Variants in CNIH3 observed in about 807,000 individuals in gnomAD.
CNIH3 encodes the protein cornichon family AMPA receptor auxiliary protein 3.
Under a neutral mutation model 24.1 loss-of-function variants are expected in CNIH3, and 14 were observed. The ratio of observed to expected loss-of-function variants is 0.58; its 90% CI spans 0.38 to 0.91. The LOEUF (loss-of-function observed/expected upper bound fraction) is 0.91. Among genes scored for constraint, CNIH3 ranks in the 40% least tolerant of loss-of-function variants. The pLI is 0.00. For synonymous variants in CNIH3, 68 were observed against 73.8 expected (o/e 0.92, Z 0.40); for missense variants, 178 against 196.8 (o/e 0.90, Z 0.57).
chr1:224,515,515 C>G (rs1280104397), upstream of CNIH3, among the ~76,000 whole-genome samples: 1 of 152,216 alleles, frequency 6.6e-6, no homozygotes, highest in Non-Finnish European at 1.5e-5. Context: ...AATTTGAAAA[C>G]TTTTTGGCTG....
intron 1 of CNIH3, among the ~76,000 whole-genome samples, chr1:224,628,716 C>T (rs1683666609): frequency 6.6e-6 from 1 of 151,996 alleles, no homozygotes; most frequent in Admixed American, 6.6e-5. Context: ...GGCCAGGGCA[C>T]TCGAAAGTTA....
chr1:224,607,829 C>T (rs992496853), intron 3 of CNIH3, among the ~76,000 whole-genome samples: 2 of 152,154 alleles, frequency 1.3e-5, no homozygotes, highest in African/African-American at 4.8e-5. Flanking sequence ...CAGTTCCCAG[C>T]TTGCCCTTCA....
chr1:224,735,323 A>C (rs1215129540), intron 5 of CNIH3, among the ~76,000 whole-genome samples: 1 of 152,224 alleles, frequency 6.6e-6, no homozygotes, highest in Non-Finnish European at 1.5e-5. Context: ...CGCTCAGAAC[A>C]TCCTAACTAA....
chr1:224,731,100 G>A (rs1465647885), intron 4 of CNIH3, among the ~76,000 whole-genome samples: 1 of 152,136 alleles, frequency 6.6e-6, no homozygotes, highest in African/African-American at 2.4e-5. Context: ...GGCTGGGAGG[G>A]AATGAGAATA....
chr1:224,623,099 A>G (rs887623828), intron 1 of CNIH3, among the ~76,000 whole-genome samples: 1 of 151,976 alleles, frequency 6.6e-6, no homozygotes, highest in Admixed American at 6.6e-5. Context: ...TCTAGTGACC[A>G]CTTCCATCTT....
At chr1:224,617,565 C>T (rs962413368) in intron 1 of CNIH3, among the ~76,000 whole-genome samples, 7 of 152,250 alleles carry the variant, frequency 4.6e-5, no homozygotes, top group Admixed American at 1.3e-4. Context: ...CCCGCCCCGT[C>T]CTCTCCTGCC....
intron 1 of CNIH3, among the ~76,000 whole-genome samples, chr1:224,624,548 C>T (rs1683427158): frequency 6.6e-6 from 1 of 152,140 alleles, no homozygotes; most frequent in Admixed American, 6.6e-5. Flanking sequence ...TCTGTAGTCA[C>T]CAGCCATGTC....
Position 224,739,319 on chromosome 1 carries a change from T to TTTTTTTC in CNIH3, c.456-9_456-8insTTTTTCT. The TTTTTTTC allele has an allele frequency of 7.0e-7, 1 of 1,427,338 alleles. No individual in the cohort carries two copies. The highest frequency in any genetic ancestry group is 2.6e-5 in the East Asian group (1 of 39,154). 88.4% of individuals were successfully genotyped at this position (1,427,338 alleles called of 1,614,324 possible). On this transcript the variant is annotated splice_polypyrimidine_tract_variant and intron_variant, in intron 5 of 5. Coordinates refer to ENST00000272133, the MANE Select transcript of CNIH3 (RefSeq NM_152495.2). The stretch of plus-strand genomic sequence containing the variant: ...TCTTTTTTTTTTTTTTTTTTTTTTT[T>TTTTTTTC]TGCATTCAGCATGATCTACACTTTA...
chr1:224,700,410 C>T (rs956283974), intron 3 of CNIH3, among the ~76,000 whole-genome samples: 1 of 152,344 alleles, frequency 6.6e-6, no homozygotes, highest in South Asian at 2.1e-4. Context: ...GCAACAGGAT[C>T]TCTGCACTAG....
rs880368 is a variant in CNIH3 at position 224,544,796 on chromosome 1, C to A, written n.340-2033C>A. Among the ~76,000 whole-genome samples, 3 of 152,100 alleles carry A rather than the reference C, an allele frequency of 2.0e-5. No homozygotes were observed. The East Asian group carries it at 5.8e-4, about 29-fold the overall frequency. ...GCTTTTGTCACTGCTGTCACTATTG[C>A]TGTTGCTATTGCTGCTGTCACTGCT... On this transcript the variant is annotated intron_variant and non_coding_transcript_variant, in intron 2 of 5. Transcript: ENST00000471578.
downstream of CNIH3, chr1:224,537,524 A>C (rs1679335313): frequency 6.6e-6 from 1 of 152,118 alleles, no homozygotes; most frequent in South Asian, 2.1e-4. Context: ...AGACCAAACC[A>C]ATGTACGTCT....
At chr1:224,510,669 C>T (rs1187800993) in intron 1 of CNIH3, among the ~76,000 whole-genome samples, 2 of 151,444 alleles carry the variant, frequency 1.3e-5, no homozygotes, top group Non-Finnish European at 2.9e-5. Flanking sequence ...CCGGTCAATG[C>T]AGTCATTGAC....
At chr1:224,441,459 A>C (rs1674909258) in intron 1 of CNIH3, among the ~76,000 whole-genome samples, 1 of 152,256 alleles carries the variant, frequency 6.6e-6, no homozygotes, top group Admixed American at 6.5e-5. Flanking sequence ...TTTGAAAAGT[A>C]GATAAATAAT....
At chr1:224,666,595 C>T (rs938889515) in intron 1 of CNIH3, among the ~76,000 whole-genome samples, 18 of 152,238 alleles carry the variant, frequency 1.2e-4, no homozygotes, top group African/African-American at 1.9e-4. Flanking sequence ...GGCCATGGCT[C>T]AGCCCTCAAT....
rs968156621 is a variant in CNIH3 at position 224,521,864 on chromosome 1, A to G, written n.343+537A>G. ...CCCCCACCTTATTTTTTTCTTTTGT[A>G]TGTAAGTTAGTTTGAGTTGCAAAAG... On this transcript the variant is annotated intron_variant and non_coding_transcript_variant, in intron 2 of 2. Transcript: ENST00000470602. Among the ~76,000 whole-genome samples the G allele has an allele frequency of 2.0e-4, 30 of 152,106 alleles. 1 individual carries two copies. The highest frequency in any genetic ancestry group is 7.0e-4 in the African/African-American group (29 of 41,428).
intron 1 of CNIH3, among the ~76,000 whole-genome samples, chr1:224,643,411 G>A (rs1043882260): frequency 6.6e-6 from 1 of 152,198 alleles, no homozygotes; most frequent in South Asian, 2.1e-4. Flanking sequence ...AAAATGCAGC[G>A]AGGTGTTAGT....
intron 1 of CNIH3, among the ~76,000 whole-genome samples, chr1:224,473,183 T>C (rs1304391087): frequency 6.6e-6 from 1 of 151,912 alleles, no homozygotes. Context: ...GTACAATGGA[T>C]ACACAAAAAT....
chr1:224,611,741 C>T (rs957568101), upstream of CNIH3: 1 of 152,268 alleles, frequency 6.6e-6, no homozygotes. Flanking sequence ...GGTCACTCCA[C>T]TCAACATCCA....
chr1:224,695,397 CCT>C (rs148871440), intron 3 of CNIH3, among the ~76,000 whole-genome samples: 1 of 144,600 alleles, frequency 6.9e-6, no homozygotes, highest in South Asian at 2.4e-4. Context: ...CACACACACC[CCT>C]GTTGGTTCTG....
Sources: allele counts gnomAD v4.1 joint callset (sites outside exome capture counted in the v4.1 genomes callset), GRCh38; gene constraint gnomAD v4.1.1; transcripts MANE v1.5; gene names NCBI Gene and HGNC (gene_info 2026-07-23, HGNC 2026-07-21).